CLEC17A: variants seen among roughly 807,000 people sequenced by gnomAD.
CLEC17A encodes the protein C-type lectin domain family 17, member A.
CLEC17A carries 37 observed loss-of-function variants against 61.3 expected under a neutral mutation model. The ratio of observed to expected loss-of-function variants is 0.60; its 90% CI spans 0.46 to 0.79. CLEC17A has a LOEUF of 0.79. Ranked by LOEUF, CLEC17A falls within the 30% of genes least tolerant of loss-of-function variation. CLEC17A has a pLI of 0.00. For missense variants in CLEC17A, 418 were observed against 464.7 expected (o/e 0.90, Z 0.92); for synonymous variants, 168 against 164.9 (o/e 1.02, Z -0.14).
upstream of CLEC17A, among the ~76,000 whole-genome samples, chr19:14,581,747 A>T (rs2074184878): frequency 6.6e-6 from 1 of 151,686 alleles, no homozygotes; most frequent in South Asian, 2.1e-4. Context: ...CTACCTCCCG[A>T]GTTCAAACGA....
Position 14,594,816 on chromosome 19 carries a change from A to G in CLEC17A, c.403+16A>G. On this transcript the variant is annotated intron_variant, in intron 7 of 13. Coordinates refer to ENST00000417570, the MANE Select transcript of CLEC17A (RefSeq NM_001204118.2). ...CCTCAACTGGGTGAGCAGTGGGAAGACCCTTTAAGATGCCTAAGAGGGGAT... is the reference window on the plus strand; with the variant it reads ...CCTCAACTGGGTGAGCAGTGGGAAGGCCCTTTAAGATGCCTAAGAGGGGAT... The G allele has an allele frequency of 6.2e-7, 1 of 1,611,582 alleles. No individual in the cohort carries two copies. Among genetic ancestry groups the G allele is most frequent in the Non-Finnish European group, 8.5e-7 (1 of 1,178,192 alleles).
intron 2 of CLEC17A, chr19:14,584,335 G>A (rs1450223312): frequency 6.6e-6 from 1 of 152,166 alleles, no homozygotes; most frequent in African/African-American, 2.4e-5. Flanking sequence ...TCAGTAGTGC[G>A]ACTGCTCCTG....
intron 8 of CLEC17A, among the ~76,000 whole-genome samples, 162 bp downstream of exon 8, chr19:14,595,477 G>A (rs1344344599): frequency 2.0e-5 from 3 of 152,232 alleles, no homozygotes; most frequent in Non-Finnish European, 4.4e-5. Context: ...GCTGCTCTAA[G>A]TGAGAAAGCC....
rs2074563990 is a variant in CLEC17A, at chr19:14,596,860, C to T, written c.446-16C>T. 2 of 1,606,892 alleles carry T rather than the reference C, an allele frequency of 1.2e-6. No individual in the cohort carries two copies. Among genetic ancestry groups the T allele is most frequent in the Non-Finnish European group, 1.7e-6 (2 of 1,177,290 alleles). ...GCCCCAGTATCAGTCTCTCTGTTCCCATCCCCACTCCCCAGCAACTCCAGT... is the reference window on the plus strand; with the variant it reads ...GCCCCAGTATCAGTCTCTCTGTTCCTATCCCCACTCCCCAGCAACTCCAGT... On this transcript the variant is annotated splice_polypyrimidine_tract_variant and intron_variant, in intron 8 of 13. Coordinates refer to ENST00000417570, the MANE Select transcript of CLEC17A (RefSeq NM_001204118.2).
rs184446719 is a variant in CLEC17A, at chr19:14,609,964, C to T, written c.1005-100C>T. Reference sequence around the variant, plus strand: ...ACACACGGCCTAATATGGGTTTTGCCAAATGCGTAGTGCCAGGTATTCATC... The same window carrying T: ...ACACACGGCCTAATATGGGTTTTGCTAAATGCGTAGTGCCAGGTATTCATC... On this transcript the variant is annotated intron_variant, in intron 13 of 13. Coordinates refer to ENST00000417570, the MANE Select transcript of CLEC17A (RefSeq NM_001204118.2). The T allele has an allele frequency of 7.7e-5, 68 of 884,896 alleles. No homozygotes were observed. The African/African-American group carries it at 1.1e-3, about 14-fold the overall frequency. 54.8% of individuals were successfully genotyped at this position (884,896 alleles called of 1,614,324 possible).
At chr19:14,608,503 G>A (rs2074959095) in intron 13 of CLEC17A, among the ~76,000 whole-genome samples, 1 of 152,044 alleles carries the variant, frequency 6.6e-6, no homozygotes, top group Non-Finnish European at 1.5e-5. Context: ...AGGCTGTCTG[G>A]ACCCTGAACC....
rs942926602 is a variant in CLEC17A at position 14,611,718 on chromosome 19, C to T, written c.*1522C>T. Reference sequence around the variant, plus strand: ...GTCTTTGATGATATAATTCACTTTACTTGCCAGGCACAGTGGCTCACGCCT... The same window carrying T: ...GTCTTTGATGATATAATTCACTTTATTTGCCAGGCACAGTGGCTCACGCCT... On this transcript the variant is annotated 3_prime_UTR_variant, in exon 14 of 14. Coordinates refer to ENST00000417570, the MANE Select transcript of CLEC17A (RefSeq NM_001204118.2). 6.6e-6 allele frequency among the ~76,000 whole-genome samples: 1 copy of T among 152,174 alleles called. No homozygotes were observed. Among genetic ancestry groups the T allele is most frequent in the East Asian group, 1.9e-4 (1 of 5,172 alleles).
At chr19:14,582,965 ATGTGTGTGTG>A (rs35999236), upstream of CLEC17A, 5 of 551,902 alleles carry the variant, frequency 9.1e-6, no homozygotes, top group Non-Finnish European at 1.3e-5. Flanking sequence ...CTCTGTGTGT[ATGTGTGTGTG>A]TGTGTGTGTG....
At chr19:14,588,765 C>A (rs1226829257) in intron 3 of CLEC17A, 1 of 152,056 alleles carries the variant, frequency 6.6e-6, no homozygotes, top group Non-Finnish European at 1.5e-5. Flanking sequence ...CAGAAAATCC[C>A]TGAGATATGC....
In CLEC17A at chr19:14,583,383, G is replaced by C; in HGVS notation, c.70G>C (p.Asp24His). 1.2e-6 allele frequency: 2 copies of C among 1,612,270 alleles called. No individual in the cohort carries two copies. The highest frequency in any genetic ancestry group is 2.2e-5 in the South Asian group (2 of 90,892). The change falls in exon 2 of 14, where the codon GAT becomes CAT. Residue 24 changes from aspartate (D) to histidine (H), a missense_variant. Asp to His is a moderately conservative substitution (Grantham distance 81). Coordinates refer to ENST00000417570, the MANE Select transcript of CLEC17A (RefSeq NM_001204118.2). ...GACCATGGAGGAGGAGGAGGAGGAT[G>C]ATGACTATGAGAACTCAACACCTCC... The part of the protein sequence containing the change: ...PGTMEEEEED[D>H]DYENSTPPYK...
Position 14,583,140 on chromosome 19 carries a change from G to T in CLEC17A, c.-21G>T. ...GGTTGCCAAGCCCTGGCTGCCACTT[G>T]TCAGGTTCCCTGTGCTAGACATGCA... On this transcript the variant is annotated 5_prime_UTR_variant, in exon 1 of 14. Transcript: ENST00000417570. 1 of 1,614,028 alleles carries T rather than the reference G, an allele frequency of 6.2e-7. No homozygotes were observed. The highest frequency in any genetic ancestry group is 8.5e-7 in the Non-Finnish European group (1 of 1,179,884).
At chr19:14,609,918 G>T (rs925359191) in intron 13 of CLEC17A, 146 bp from the exon 14 acceptor site, 3 of 609,978 alleles carry the variant, frequency 4.9e-6, no homozygotes, top group Non-Finnish European at 8.8e-6. Flanking sequence ...CACTGTGCCC[G>T]GCTTACAGGT....
At chr19:14,590,436 C>T (rs1358215233) in intron 3 of CLEC17A, among the ~76,000 whole-genome samples, 2 of 150,774 alleles carry the variant, frequency 1.3e-5, no homozygotes, top group Admixed American at 6.6e-5. Flanking sequence ...CTGCCCAGGC[C>T]GGAGTGCAAT....
intron 2 of CLEC17A, among the ~76,000 whole-genome samples, chr19:14,584,676 C>A (rs1302949066): frequency 2.6e-5 from 4 of 151,872 alleles, no homozygotes; most frequent in Admixed American, 1.3e-4. Flanking sequence ...GTTTCACTGC[C>A]CCATTTCCAA....
rs1217832910 is a variant in CLEC17A at position 14,611,059 on chromosome 19, A to G, written c.*863A>G. The G allele has an allele frequency of 6.7e-6, 1 of 149,314 alleles. No individual in the cohort carries two copies. Among genetic ancestry groups the G allele is most frequent in the Non-Finnish European group, 1.5e-5 (1 of 67,686 alleles). 9.2% of individuals were successfully genotyped at this position (149,314 alleles called of 1,614,324 possible). On this transcript the variant is annotated 3_prime_UTR_variant, in exon 14 of 14. Transcript: ENST00000417570. ...GTGGTGACAGAAAAATTTCCCTTTG[A>G]GCTAGACCTCTAGATCTGCCTCGCA...
chr19:14,592,203 A>G, intron 3 of CLEC17A, 78 bp from the exon 4 acceptor site: 1 of 1,425,126 alleles, frequency 7.0e-7, no homozygotes, highest in South Asian at 1.4e-5. Flanking sequence ...ATCATGGGGC[A>G]GCTGAGGCAG....
At chr19:14,587,233 A>ATGTGTGTG (rs3049160) in intron 2 of CLEC17A, among the ~76,000 whole-genome samples, 2 of 145,306 alleles carry the variant, frequency 1.4e-5, no homozygotes, top group South Asian at 4.4e-4. Flanking sequence ...CCAGAGAAAG[A>ATGTGTGTG]TGTGTGTGTG....
chr19:14,607,243 C>T lies in CLEC17A; in HGVS notation c.1004+141C>T, dbSNP rs796981229. On this transcript the variant is annotated intron_variant, in intron 13 of 13. Transcript: ENST00000417570. The stretch of plus-strand genomic sequence containing the variant: ...TTTTTGAGACAGAGTCTTGCTCTGT[C>T]GCCCAGGCTGGAGTGCAGTGGCGCA... The T allele has an allele frequency of 3.0e-4, 89 of 301,240 alleles. 2 individuals carry two copies. Among genetic ancestry groups the T allele is most frequent in the African/African-American group, 1.7e-3 (77 of 45,024 alleles). The allele number at this position is 301,240 out of a possible 1,614,324, so 18.7% of individuals were successfully genotyped here.
chr19:14,583,418 C>T lies in CLEC17A; in HGVS notation c.105C>T (p.Asp35=), dbSNP rs780380992. The T allele has an allele frequency of 6.2e-7, 1 of 1,612,502 alleles. No individual in the cohort carries two copies. Among genetic ancestry groups the T allele is most frequent in the South Asian group, 1.1e-5 (1 of 90,874 alleles). The part of the protein sequence containing the change: ...DYENSTPPYK[D]LPPKPGTMEE... ...AGAACTCAACACCTCCCTACAAGGACCTTCCTCCCAAGCCAGGTAAGAGGA... is the reference window on the plus strand; with the variant it reads ...AGAACTCAACACCTCCCTACAAGGATCTTCCTCCCAAGCCAGGTAAGAGGA... Residue 35 remains aspartate, a synonymous_variant, in exon 2 of 14, where the codon GAC becomes GAT. Coordinates refer to ENST00000417570, the MANE Select transcript of CLEC17A (RefSeq NM_001204118.2).
Sources: gnomAD v4.1 joint callset for allele counts (sites outside exome capture counted in the v4.1 genomes callset) on GRCh38, gnomAD v4.1.1 for gene constraint, MANE v1.5 for transcripts, NCBI Gene and HGNC (gene_info 2026-07-23, HGNC 2026-07-21) for gene names.